The following ZNF827 variants were observed in gnomAD, a reference collection of about 807,000 sequenced individuals.
ZNF827 encodes the protein zinc finger protein 827.
Under a neutral mutation model 102.4 loss-of-function variants are expected in ZNF827, and 13 were observed. The ratio of observed to expected loss-of-function variants is 0.13; its 90% CI spans 0.08 to 0.20. The LOEUF (loss-of-function observed/expected upper bound fraction) is 0.20, where lower values mean the gene tolerates loss of function less well. Among genes scored for constraint, ZNF827 ranks in the 10% least tolerant of loss-of-function variants. The probability of loss-of-function intolerance (pLI) is 1.00; values close to 1 mark genes in which losing one functional copy is unlikely to be tolerated. For missense variants in ZNF827, 1,103 were observed against 1,344.4 expected, an observed-to-expected ratio of 0.82 and a Z score of 2.81; for synonymous variants, 523 against 536.2, an observed-to-expected ratio of 0.98 and a Z score of 0.34.
At chr4:145,890,248 C>G (rs1027692212) in intron 3 of ZNF827, among the ~76,000 whole-genome samples, 1 of 152,168 alleles carries the variant, frequency 6.6e-6, no homozygotes. Context: ...TCACACTTCC[C>G]GTATCAAAAG....
chr4:145,876,000 A>G (rs1273468989), intron 4 of ZNF827, among the ~76,000 whole-genome samples: 1 of 152,206 alleles, frequency 6.6e-6, no homozygotes, highest in Non-Finnish European at 1.5e-5. Context: ...GAGACCACTA[A>G]TATGTTGCCA....
At chr4:145,778,609 C>T (rs543612065) in intron 9 of ZNF827, among the ~76,000 whole-genome samples, 1 of 152,108 alleles carries the variant, frequency 6.6e-6, no homozygotes, top group African/African-American at 2.4e-5. Flanking sequence ...GAGACCCTAT[C>T]TTGGGGGAAA....
At chr4:145,794,241 A>G (rs1740146943) in intron 8 of ZNF827, among the ~76,000 whole-genome samples, 2 of 152,116 alleles carry the variant, frequency 1.3e-5, no homozygotes, top group Admixed American at 6.5e-5. Context: ...CTCCTTCTCC[A>G]GTTGGAAGTG....
chr4:145,920,100 T>C (rs1320282327), intron 1 of ZNF827, among the ~76,000 whole-genome samples: 2 of 152,174 alleles, frequency 1.3e-5, no homozygotes, highest in Admixed American at 6.5e-5. Flanking sequence ...TGGCACAGAG[T>C]TGACGCTTAG....
chr4:145,774,505 C>A lies in ZNF827; in HGVS notation c.2860+1G>T. 6.2e-7 allele frequency: 1 copy of A among 1,609,262 alleles called. No homozygotes were observed. Among genetic ancestry groups the A allele is most frequent in the Non-Finnish European group, 8.5e-7 (1 of 1,177,708 alleles). Reference sequence around the variant, plus strand: ...TGAGAAGGACAGACAGGAATGGTCACCTGTGTGCTTGGTGCCAATGTGAGT... The same window carrying A: ...TGAGAAGGACAGACAGGAATGGTCAACTGTGTGCTTGGTGCCAATGTGAGT... On this transcript the variant is annotated splice_donor_variant, in intron 11 of 14. Transcript: ENST00000508784. LOFTEE classifies it high-confidence loss of function.
intron 7 of ZNF827, among the ~76,000 whole-genome samples, chr4:145,838,578 C>G (rs1034849712): frequency 4.6e-5 from 7 of 151,994 alleles, no homozygotes; most frequent in Non-Finnish European, 7.4e-5. Context: ...TAACAAGGGA[C>G]TGATTAAATA....
chr4:145,760,718 TG>T lies in ZNF827; in HGVS notation c.*897del, dbSNP rs1479282963. 241 of 954,782 alleles carry T rather than the reference TG, an allele frequency of 2.5e-4. No homozygotes were observed. Among genetic ancestry groups the T allele is most frequent in the Admixed American group, 8.4e-4 (10 of 11,938 alleles). The allele number at this position is 954,782 out of a possible 1,614,324, so 59.1% of individuals were successfully genotyped here. A position where few individuals can be genotyped will look rare whatever the true frequency, so the allele number is the denominator to read the frequency against. On this transcript the variant is annotated 3_prime_UTR_variant, in exon 15 of 15. Coordinates refer to ENST00000508784, the MANE Select transcript of ZNF827 (RefSeq NM_001306215.2). ...CTGCTGGGGTTGTGTTTAAGTTTTG[TG>T]GTTTTTTTTTTTTTTTTTGTCTTTT...
chr4:145,804,182 A>G (rs898280722), intron 8 of ZNF827, among the ~76,000 whole-genome samples: 9 of 152,212 alleles, frequency 5.9e-5, no homozygotes, highest in Admixed American at 4.6e-4. Context: ...TAATCCAATC[A>G]CTTGTAAAGG....
At chr4:145,789,739 C>T (rs970740544) in intron 8 of ZNF827, among the ~76,000 whole-genome samples, 16 of 152,300 alleles carry the variant, frequency 1.1e-4, no homozygotes, top group Non-Finnish European at 2.1e-4. Context: ...ATTTATTTCA[C>T]CAGAGACAGA....
intron 8 of ZNF827, among the ~76,000 whole-genome samples, chr4:145,814,302 C>A (rs1461458923): frequency 6.6e-6 from 1 of 152,200 alleles, no homozygotes; most frequent in African/African-American, 2.4e-5. Context: ...ACCACCAGTA[C>A]CTGCATGTAT....
intron 4 of ZNF827, among the ~76,000 whole-genome samples, chr4:145,881,473 A>C (rs2126804331): frequency 6.6e-6 from 1 of 152,358 alleles, no homozygotes; most frequent in Non-Finnish European, 1.5e-5. Context: ...CAACAAGTGA[A>C]GTGCCAAGTT....
At chr4:145,927,354 A>G (rs1174359470) in intron 1 of ZNF827, among the ~76,000 whole-genome samples, 1 of 152,228 alleles carries the variant, frequency 6.6e-6, no homozygotes, top group East Asian at 1.9e-4. Context: ...AGAGAAAGAG[A>G]TGGAAACAAA....
chr4:145,883,174 G>T (rs562394858), intron 4 of ZNF827, among the ~76,000 whole-genome samples: 2 of 151,876 alleles, frequency 1.3e-5, no homozygotes, highest in South Asian at 2.1e-4. Flanking sequence ...ATCCAAATAT[G>T]CACACACAAA....
chr4:145,814,331 GGCCACTGAAA>G (rs1205335682), intron 8 of ZNF827, among the ~76,000 whole-genome samples: 1 of 151,982 alleles, frequency 6.6e-6, no homozygotes, highest in African/African-American at 2.4e-5. Flanking sequence ...TGCTTTCTCT[GGCCACTGAAA>G]CCTGGTTGGC....
Position 145,902,776 on chromosome 4 carries a change from G to A in ZNF827, c.483C>T (p.His161=). The change falls in exon 2 of 15, where the codon CAC becomes CAT. Residue 161 remains histidine (H), a synonymous_variant. Coordinates refer to ENST00000508784, the MANE Select transcript of ZNF827 (RefSeq NM_001306215.2). The surrounding 1 kb of genome is among the most constrained non-coding windows in gnomAD (Gnocchi z 4.3). ...GSNLSFSPPS[H]HAQQLSVLAR... is the part of the protein sequence containing the mutation. ...CCAGAACACTGAGCTGCTGGGCGTG[G>A]TGGGAAGGCGGGGAAAAGGAGAGGT... 1 of 1,614,114 alleles carries A rather than the reference G, an allele frequency of 6.2e-7. No homozygotes were observed. Among genetic ancestry groups the A allele is most frequent in the Middle Eastern group, 1.6e-4 (1 of 6,062 alleles).
At chr4:145,868,127 G>C (rs949677190) in intron 5 of ZNF827, among the ~76,000 whole-genome samples, 1 of 152,182 alleles carries the variant, frequency 6.6e-6, no homozygotes, top group Non-Finnish European at 1.5e-5. Flanking sequence ...GGAATGAAAT[G>C]ATATTTGCTT....
In ZNF827 at chr4:145,928,648, C is replaced by T. The variant is rs187454180; in HGVS notation, c.43+9717G>A. Among the ~76,000 whole-genome samples the T allele has an allele frequency of 7.3e-4, 111 of 152,314 alleles. 1 individual carries two copies. Among genetic ancestry groups the T allele is most frequent in the African/African-American group, 2.5e-3 (102 of 41,554 alleles). On this transcript the variant is annotated intron_variant, in intron 1 of 14. Coordinates refer to ENST00000508784, the MANE Select transcript of ZNF827 (RefSeq NM_001306215.2). ...AAACAGGCAGATAACTGCAGTAACT[C>T]GCTTGTGTCACGGCTGCAATGTGGT...
At position 145,889,501 on chromosome 4, in the gene ZNF827, G is replaced by A. The variant is rs115545278; in HGVS notation, c.1266+2742C>T. Among the ~76,000 whole-genome samples the A allele has an allele frequency of 2.6e-3, 401 of 151,730 alleles. 1 individual carries two copies. Among genetic ancestry groups the A allele is most frequent in the African/African-American group, 9.3e-3 (385 of 41,350 alleles). The stretch of plus-strand genomic sequence containing the variant: ...AAGGTGGAACTGAGATTCTAACTAA[G>A]GTTTTTCTGACCATACAGTTTGAGA... On this transcript the variant is annotated intron_variant, in intron 3 of 14. Transcript: ENST00000508784.
intron 4 of ZNF827, among the ~76,000 whole-genome samples, chr4:145,872,201 C>T (rs893848456): frequency 6.6e-6 from 1 of 152,084 alleles, no homozygotes; most frequent in Non-Finnish European, 1.5e-5. Context: ...CCCTAACCTG[C>T]CAGTGTGGAA....
Sources: gnomAD v4.1 joint callset for allele counts (sites outside exome capture counted in the v4.1 genomes callset) on GRCh38, gnomAD v4.1.1 for gene constraint, Gnocchi (gnomAD v3.1) non-coding constraint, MANE v1.5 for transcripts, NCBI Gene and HGNC (gene_info 2026-07-23, HGNC 2026-07-21) for gene names.